Variants in GRID2IP observed in about 807,000 individuals in gnomAD.
The protein encoded by GRID2IP is delphilin.
A neutral mutation model predicts 114.3 loss-of-function variants in GRID2IP; 78 were observed. That is an observed-to-expected ratio of 0.68 (90% confidence interval 0.57 to 0.82). The LOEUF (loss-of-function observed/expected upper bound fraction) is 0.82, where lower values mean the gene tolerates loss of function less well. Among genes scored for constraint, GRID2IP ranks in the 40% least tolerant of loss-of-function variants. The pLI, the probability that GRID2IP is intolerant of heterozygous loss-of-function variation, is 0.00. For synonymous variants in GRID2IP, 809 were observed against 724.0 expected, an observed-to-expected ratio of 1.12 and a Z score of -1.89; for missense variants, 1,727 against 1,678.5, an observed-to-expected ratio of 1.03 and a Z score of -0.51.
Position 6,502,851 on chromosome 7 carries a change from A to G in GRID2IP, c.3085T>C (p.Tyr1029His), listed in dbSNP as rs1395453081. 4 of 1,551,886 alleles carry G rather than the reference A, an allele frequency of 2.6e-6. No individual in the cohort carries two copies. Among genetic ancestry groups the G allele is most frequent in the Non-Finnish European group, 3.5e-6 (4 of 1,146,986 alleles). The change falls in exon 18 of 22, where the codon TAT (tyrosine) becomes CAT (histidine). Residue 1029 changes from tyrosine to histidine, a missense_variant. Coordinates refer to ENST00000457091, the MANE Select transcript of GRID2IP (RefSeq NM_001145118.2). ...GTTTTGGGCTGTCCATCGTTGAGAT[A>G]GTTGCCCATGGCCAACACAAACTGT... ...ILEFVLAMGNYLNDGQPKTNK... is the reference protein window; with the variant it reads ...ILEFVLAMGNHLNDGQPKTNK...
Position 6,521,339 on chromosome 7 carries a change from G to A in GRID2IP, c.1084+90C>T. ...GGCAAGCTGCAGGTTTAGGGGAAGAGCTGAGTCCTCCGCACTGTGACTCTC... is the reference window on the plus strand; with the variant it reads ...GGCAAGCTGCAGGTTTAGGGGAAGAACTGAGTCCTCCGCACTGTGACTCTC... On this transcript the variant is annotated intron_variant, in intron 6 of 21. Transcript: ENST00000457091. This position sits in a 1 kb window ranked among gnomAD's most constrained non-coding sequence, Gnocchi z 4.1. 1 of 896,890 alleles carries A rather than the reference G, an allele frequency of 1.1e-6. No homozygotes were observed. The highest frequency in any genetic ancestry group is 1.7e-6 in the Non-Finnish European group (1 of 598,420). The allele number at this position is 896,890 out of a possible 1,614,324, so 55.6% of individuals were successfully genotyped here.
chr7:6,511,655 G>A (rs1779163041), intron 8 of GRID2IP, among the ~76,000 whole-genome samples: 1 of 152,118 alleles, frequency 6.6e-6, no homozygotes, highest in South Asian at 2.1e-4. Flanking sequence ...TTACAGGTGT[G>A]AGCCACTGCT....
In GRID2IP at chr7:6,527,537, G is replaced by A. The variant is rs546236466; in HGVS notation, c.585-768C>T. Reference sequence around the variant, plus strand: ...AGTTACCTTGGAAGTGAGAGGCAGGGGGAAGGCCCGTGGGTCTCCGCTGCA... The same window carrying A: ...AGTTACCTTGGAAGTGAGAGGCAGGAGGAAGGCCCGTGGGTCTCCGCTGCA... On this transcript the variant is annotated intron_variant, in intron 2 of 21. Coordinates refer to ENST00000457091, the MANE Select transcript of GRID2IP (RefSeq NM_001145118.2). 1.5e-3 allele frequency among the ~76,000 whole-genome samples: 225 copies of A among 152,308 alleles called. 1 individual carries two copies. The highest frequency in any genetic ancestry group is 3.4e-3 in the Middle Eastern group (1 of 294).
rs1562514321 is a variant in GRID2IP at position 6,509,787 on chromosome 7, C to T, written c.1772-474G>A. 6.6e-6 allele frequency among the ~76,000 whole-genome samples: 1 copy of T among 152,226 alleles called. No homozygotes were observed. The highest frequency in any genetic ancestry group is 1.5e-5 in the Non-Finnish European group (1 of 68,028). On this transcript the variant is annotated intron_variant, in intron 11 of 21. Transcript: ENST00000457091. The surrounding 1 kb of genome is among the most constrained non-coding windows in gnomAD (Gnocchi z 4.9). Reference sequence around the variant, plus strand: ...CACTTGATCATTTATCCAATAACCACTTGCTAACTCGGGGACTTCCTCAGA... The same window carrying T: ...CACTTGATCATTTATCCAATAACCATTTGCTAACTCGGGGACTTCCTCAGA...
chr7:6,503,644 G>A lies in GRID2IP; in HGVS notation c.2754C>T (p.Arg918=), dbSNP rs911796433. The A allele has an allele frequency of 2.6e-6, 4 of 1,519,678 alleles. No individual in the cohort carries two copies. The highest frequency in any genetic ancestry group is 3.5e-6 in the Non-Finnish European group (4 of 1,140,454). The allele number at this position is 1,519,678 out of a possible 1,614,324, so 94.1% of individuals were successfully genotyped here. A position where few individuals can be genotyped will look rare whatever the true frequency, so the allele number is the denominator to read the frequency against. Residue 918 remains arginine, a synonymous_variant, in exon 16 of 22, where the codon CGC becomes CGT. Coordinates refer to ENST00000457091, the MANE Select transcript of GRID2IP (RefSeq NM_001145118.2). ...AHLKLSPAEL[R]QVLMSMEPRR... Reference sequence around the variant, plus strand: ...GGGGCTCCATGCTCATCAGCACCTGGCGCAGCTCCGCGGGGCTCAGCTTCA... The same window carrying A: ...GGGGCTCCATGCTCATCAGCACCTGACGCAGCTCCGCGGGGCTCAGCTTCA...
chr7:6,529,077 C>A (rs1779568475), intron 2 of GRID2IP, among the ~76,000 whole-genome samples: 1 of 152,170 alleles, frequency 6.6e-6, no homozygotes, highest in Admixed American at 6.5e-5. Flanking sequence ...GAAGACATCA[C>A]CCCATGCACC....
At chr7:6,503,351 T>C (rs1196461668) in intron 16 of GRID2IP, 140 bp downstream of exon 16, 1 of 1,010,924 alleles carries the variant, frequency 9.9e-7, no homozygotes, top group African/African-American at 1.6e-5. Context: ...GACCCGGCCA[T>C]TAAAGGTGTT....
chr7:6,528,927 C>G lies in GRID2IP; in HGVS notation c.585-2158G>C, dbSNP rs1441730213. ...TCCCCCAGATGGTCATTTAAGGTCTCCAGAGCCTGACCGCTCCATCTGCCA... is the reference window on the plus strand; with the variant it reads ...TCCCCCAGATGGTCATTTAAGGTCTGCAGAGCCTGACCGCTCCATCTGCCA... On this transcript the variant is annotated intron_variant, in intron 2 of 21. Coordinates refer to ENST00000457091, the MANE Select transcript of GRID2IP (RefSeq NM_001145118.2). The surrounding 1 kb of genome is among the most constrained non-coding windows in gnomAD (Gnocchi z 6.0). Among the ~76,000 whole-genome samples the G allele has an allele frequency of 6.6e-6, 1 of 152,128 alleles. No individual in the cohort carries two copies. The highest frequency in any genetic ancestry group is 2.4e-5 in the African/African-American group (1 of 41,432).
At chr7:6,548,072 C>T (rs1779913658) in intron 1 of GRID2IP, among the ~76,000 whole-genome samples, 1 of 152,144 alleles carries the variant, frequency 6.6e-6, no homozygotes, top group African/African-American at 2.4e-5. Context: ...ATAACTTAGG[C>T]CAGGTGCAGT....
intron 14 of GRID2IP, among the ~76,000 whole-genome samples, chr7:6,505,276 C>T (rs896379830): frequency 1.3e-5 from 2 of 151,442 alleles, no homozygotes; most frequent in Non-Finnish European, 2.9e-5. Context: ...GGGGGGTGAT[C>T]ACATTATGTA....
chr7:6,497,943 TA>T, intron 21 of GRID2IP, 98 bp from the exon 22 acceptor site: 1 of 1,399,292 alleles, frequency 7.1e-7, no homozygotes, highest in African/African-American at 1.4e-5. Context: ...ATCAGGGGGT[TA>T]GGGGGACATG....
Position 6,528,404 on chromosome 7 carries a change from C to A in GRID2IP, c.585-1635G>T, listed in dbSNP as rs116982470. On this transcript the variant is annotated intron_variant, in intron 2 of 21. Transcript: ENST00000457091. This position sits in a 1 kb window ranked among gnomAD's most constrained non-coding sequence, Gnocchi z 6.0. ...CACAGAGAGGACCTGTAGCTCTCCA[C>A]GGTTACACAGCTGGCCTGTGGCACA... 5.3e-5 allele frequency among the ~76,000 whole-genome samples: 8 copies of A among 152,146 alleles called. No individual in the cohort carries two copies. Among genetic ancestry groups the A allele is most frequent in the African/African-American group, 1.9e-4 (8 of 41,414 alleles).
rs1231990133 is a variant in GRID2IP at position 6,532,512 on chromosome 7, C to G, written c.585-5743G>C. 2.0e-5 allele frequency among the ~76,000 whole-genome samples: 3 copies of G among 152,160 alleles called. No homozygotes were observed. The highest frequency in any genetic ancestry group is 6.5e-5 in the Admixed American group (1 of 15,278). ...CCCCCCATTCCTGGCCCTTGCAAGA[C>G]CATCACTTTGCTGTGACCCCCCGTG... On this transcript the variant is annotated intron_variant, in intron 2 of 21. Transcript: ENST00000457091. The surrounding 1 kb of genome is among the most constrained non-coding windows in gnomAD (Gnocchi z 4.4).
chr7:6,515,116 A>C (rs1779268796), intron 7 of GRID2IP, among the ~76,000 whole-genome samples: 1 of 152,100 alleles, frequency 6.6e-6, no homozygotes, highest in African/African-American at 2.4e-5. Flanking sequence ...CCTCATTTGT[A>C]AAATGGGGAT....
Position 6,520,621 on chromosome 7 carries a change from G to T in GRID2IP, c.1225C>A (p.Arg409Ser), listed in dbSNP as rs1245912200. Reference sequence around the variant, plus strand: ...TCGAGGGCCCGGCAGACCCCATAGCGCTCAGGAGGTGTGAGTAGGTGCTCC... The same window carrying T: ...TCGAGGGCCCGGCAGACCCCATAGCTCTCAGGAGGTGTGAGTAGGTGCTCC... ...QLEHLLTPPERYGVCRALESF... is the reference protein window; with the variant it reads ...QLEHLLTPPESYGVCRALESF... The change falls in exon 7 of 22, where the codon CGC becomes AGC. Residue 409 changes from arginine to serine, a missense_variant. Arg to Ser is a moderately radical substitution (Grantham distance 110). Coordinates refer to ENST00000457091, the MANE Select transcript of GRID2IP (RefSeq NM_001145118.2). This position sits in a 1 kb window ranked among gnomAD's most constrained non-coding sequence, Gnocchi z 4.6. 6 of 1,551,588 alleles carry T rather than the reference G, an allele frequency of 3.9e-6. No individual in the cohort carries two copies. Among genetic ancestry groups the T allele is most frequent in the Middle Eastern group, 1.7e-4 (1 of 6,008 alleles).
Position 6,536,844 on chromosome 7 carries a change from T to C in GRID2IP, c.584+2874A>G, listed in dbSNP as rs763896326. 1.9e-6 allele frequency: 1 copy of C among 538,748 alleles called. No individual in the cohort carries two copies. The highest frequency in any genetic ancestry group is 3.5e-6 in the Non-Finnish European group (1 of 286,424). 33.4% of individuals were successfully genotyped at this position (538,748 alleles called of 1,614,324 possible). On this transcript the variant is annotated intron_variant, in intron 2 of 21. Coordinates refer to ENST00000457091, the MANE Select transcript of GRID2IP (RefSeq NM_001145118.2). This position sits in a 1 kb window ranked among gnomAD's most constrained non-coding sequence, Gnocchi z 5.3. ...CCCCTTACTCACCCCAGGCAGCTCA[T>C]GGTGGCCTCTTTCGGTGGTGGTCGC...
At position 6,508,280 on chromosome 7, in the gene GRID2IP, G is replaced by A; in HGVS notation, c.2249C>T (p.Pro750Leu). 2 of 1,546,086 alleles carry A rather than the reference G, an allele frequency of 1.3e-6. No homozygotes were observed. The highest frequency in any genetic ancestry group is 1.7e-6 in the Non-Finnish European group (2 of 1,145,054). The change falls in exon 13 of 22, where the codon CCC becomes CTC. Residue 750 changes from proline (P) to leucine (L), a missense_variant. By Grantham distance (98) the Pro-to-Leu change is moderately conservative. Transcript: ENST00000457091. This position sits in a 1 kb window ranked among gnomAD's most constrained non-coding sequence, Gnocchi z 5.6. ...LTYSSISDHI[P>L]PPPLSPPPPP... is the part of the protein sequence containing the mutation. ...TGGTGGGGGGCTGAGCGGGGGTGGG[G>A]GGATGTGGTCAGAGATGGAGGAGTA...
Position 6,507,830 on chromosome 7 carries a change from CG to C in GRID2IP, c.2544+154del, listed in dbSNP as rs1275167644. Among the ~76,000 whole-genome samples, 1 of 152,166 alleles carries C rather than the reference CG, an allele frequency of 6.6e-6. No homozygotes were observed. Among genetic ancestry groups the C allele is most frequent in the Non-Finnish European group, 1.5e-5 (1 of 68,038 alleles). On this transcript the variant is annotated intron_variant, in intron 13 of 21. Transcript: ENST00000457091. This position sits in a 1 kb window ranked among gnomAD's most constrained non-coding sequence, Gnocchi z 5.3. ...TTCAATGCCTGCAGTGGCCCCCAAG[CG>C]TGGGGACGTTCTTGGGCTGGGCCTC...
At chr7:6,529,375 G>A (rs1036533926) in intron 2 of GRID2IP, among the ~76,000 whole-genome samples, 1 of 151,968 alleles carries the variant, frequency 6.6e-6, no homozygotes, top group African/African-American at 2.4e-5. Flanking sequence ...TGCTTGAACC[G>A]GGGAGACAGA....
Sources: allele counts gnomAD v4.1 joint callset (sites outside exome capture counted in the v4.1 genomes callset), GRCh38; gene constraint gnomAD v4.1.1; non-coding constraint Gnocchi (gnomAD v3.1); transcripts MANE v1.5; gene names NCBI Gene and HGNC (gene_info 2026-07-23, HGNC 2026-07-21).